PHF8: variants seen among roughly 807,000 people sequenced by gnomAD.
The protein encoded by PHF8 is histone lysine demethylase PHF8.
Under a neutral mutation model 74.4 loss-of-function variants are expected in PHF8, and 9 were observed. That is an observed-to-expected ratio of 0.12 (90% CI 0.07 to 0.21). The LOEUF (loss-of-function observed/expected upper bound fraction) is 0.21. Among genes scored for constraint, PHF8 ranks in the 10% least tolerant of loss-of-function variants. PHF8 has a pLI of 1.00. For missense variants in PHF8, 478 were observed against 816.6 expected, an observed-to-expected ratio of 0.59 and a Z score of 5.05; for synonymous variants, 311 against 316.6, an observed-to-expected ratio of 0.98 and a Z score of 0.19.
rs1307919312 is a variant in PHF8 at position 53,984,915 on chromosome X, A to G, written c.2442T>C (p.Tyr814=). ...SLGACFKDAE[Y]IYPSLESDDD... Reference sequence around the variant, plus strand: ...ACCCATGTGCTTAGCTGCCCTTACTATACTCTGCATCCTTGAAGCACGCTC... The same window carrying G: ...ACCCATGTGCTTAGCTGCCCTTACTGTACTCTGCATCCTTGAAGCACGCTC... The change falls in exon 18 of 22, where the codon TAT becomes TAC. Residue 814 remains tyrosine (Y), a splice_region_variant and synonymous_variant. Coordinates refer to ENST00000338154, the MANE Select transcript of PHF8 (RefSeq NM_015107.3). The G allele has an allele frequency of 8.3e-6, 10 of 1,203,477 alleles. No individual in the cohort carries two copies. The highest frequency in any genetic ancestry group is 9.0e-6 in the Non-Finnish European group (8 of 889,792).
intron 18 of PHF8, among the ~76,000 whole-genome samples, chrX:53,973,328 C>A (rs1415330443): frequency 9.0e-6 from 1 of 111,530 alleles, no homozygotes; most frequent in Non-Finnish European, 1.9e-5. Flanking sequence ...AAAAAAGAGC[C>A]CAAATAGCCA....
chrX:53,939,807 A>ATC (rs1242051154), intron 21 of PHF8, among the ~76,000 whole-genome samples: 12 of 109,972 alleles, frequency 1.1e-4, no homozygotes, highest in African/African-American at 4.0e-4. Context: ...CCCACATTAA[A>ATC]TCCCCTCCCA....
At chrX:54,038,495 T>C (rs1603345368) in intron 2 of PHF8, among the ~76,000 whole-genome samples, 2 of 112,075 alleles carry the variant, frequency 1.8e-5, no homozygotes, top group Non-Finnish European at 3.8e-5. Context: ...TCAGAAATAC[T>C]GTAGCTAGGG....
chrX:53,960,450 G>A (rs922761507), intron 19 of PHF8, among the ~76,000 whole-genome samples: 3 of 109,526 alleles, frequency 2.7e-5, no homozygotes, highest in Admixed American at 2.0e-4. Context: ...AAAGTACAGT[G>A]CATAATTGTA....
chrX:54,005,368 G>A (rs782656951), intron 8 of PHF8, among the ~76,000 whole-genome samples: 7 of 104,639 alleles, frequency 6.7e-5, no homozygotes, highest in South Asian at 4.4e-4. Flanking sequence ...CTCGGGAGGC[G>A]GACACTGCAG....
At chrX:54,011,005 C>T (rs1041552624) in intron 8 of PHF8, 117 bp downstream of exon 8, 1 of 665,176 alleles carries the variant, frequency 1.5e-6, no homozygotes, top group Admixed American at 2.5e-5. Flanking sequence ...CAGTTCTGCG[C>T]CTTTCGCTGA....
intron 14 of PHF8, among the ~76,000 whole-genome samples, chrX:53,991,428 G>A (rs1041593829): frequency 9.2e-6 from 1 of 109,126 alleles, no homozygotes; most frequent in African/African-American, 3.3e-5. Context: ...TTGGGAGACC[G>A]AGGTGGGCGG....
At chrX:53,943,087 A>T (rs2064777479) in intron 20 of PHF8, 3 of 816,831 alleles carry the variant, frequency 3.7e-6, no homozygotes, top group Non-Finnish European at 4.5e-6. Context: ...AACAGAATTT[A>T]GCTCCTTAAA....
chrX:54,037,863 TCACAACCTCTCA>T (rs1428146403), intron 2 of PHF8, among the ~76,000 whole-genome samples: 94 of 112,525 alleles, frequency 8.4e-4, no homozygotes, highest in African/African-American at 2.8e-3. Context: ...ATTTAAATCA[TCACAACCTCTCA>T]GGGAAACTAA....
chrX:54,036,271 A>C (rs1215508593), intron 2 of PHF8, among the ~76,000 whole-genome samples: 1 of 110,414 alleles, frequency 9.1e-6, no homozygotes, highest in African/African-American at 3.3e-5. Flanking sequence ...ACCAAGATAG[A>C]CTCTGGGCTA....
intron 14 of PHF8, among the ~76,000 whole-genome samples, chrX:53,988,146 T>A (rs1290744253): frequency 1.8e-5 from 2 of 111,665 alleles, no homozygotes; most frequent in African/African-American, 6.5e-5. Flanking sequence ...AAAAAGAACA[T>A]TGGATGACTT....
intron 2 of PHF8, among the ~76,000 whole-genome samples, chrX:54,032,755 G>A (rs1210778253): frequency 2.9e-5 from 3 of 104,279 alleles, no homozygotes; most frequent in Non-Finnish European, 5.8e-5. Context: ...GCACATATCT[G>A]ATTTTCCCTA....
intron 2 of PHF8, among the ~76,000 whole-genome samples, chrX:54,027,666 T>C (rs2066288514): frequency 9.0e-6 from 1 of 111,133 alleles, no homozygotes; most frequent in African/African-American, 3.3e-5. Context: ...CCCTGTACAC[T>C]CTCCACCTGA....
chrX:53,963,002 C>T, intron 18 of PHF8, 63 bp from the exon 19 acceptor site: 1 of 673,871 alleles, frequency 1.5e-6, no homozygotes, highest in Non-Finnish European at 2.5e-6. Flanking sequence ...GATAGAATGA[C>T]ACCTACTCCA....
intron 18 of PHF8, among the ~76,000 whole-genome samples, chrX:53,978,472 T>G (rs1410669297): frequency 9.0e-6 from 1 of 111,715 alleles, no homozygotes. Flanking sequence ...AAGAACAAGC[T>G]TTTGATATGC....
At chrX:53,982,058 G>C (rs2065486997) in intron 18 of PHF8, among the ~76,000 whole-genome samples, 1 of 112,301 alleles carries the variant, frequency 8.9e-6, no homozygotes. Context: ...CATGGTTGCT[G>C]GGCAAAGTAG....
chrX:53,995,198 C>T (rs1306950406), intron 12 of PHF8: 2 of 342,092 alleles, frequency 5.8e-6, no homozygotes, highest in East Asian at 1.9e-4. Flanking sequence ...ATCTTCACCC[C>T]GAGAGAACTG....
At chrX:53,957,498 G>A (rs1421492538) in intron 19 of PHF8, among the ~76,000 whole-genome samples, 1 of 110,510 alleles carries the variant, frequency 9.0e-6, no homozygotes, top group Non-Finnish European at 1.9e-5. Context: ...TCCAGCCTGG[G>A]CGACAGACCG....
chrX:53,958,801 A>T (rs953379076), intron 19 of PHF8, among the ~76,000 whole-genome samples: 171 of 105,233 alleles, frequency 1.6e-3, no homozygotes, highest in Non-Finnish European at 2.2e-3. Flanking sequence ...AAAAAAAAAA[A>T]GCTGATAACA....
Sources: allele counts gnomAD v4.1 joint callset (sites outside exome capture counted in the v4.1 genomes callset), GRCh38; gene constraint gnomAD v4.1.1; transcripts MANE v1.5; gene names NCBI Gene and HGNC (gene_info 2026-07-23, HGNC 2026-07-21).